The following DAB1 variants were observed in gnomAD, a reference collection of about 807,000 sequenced individuals.
DAB1 encodes disabled homolog 1.
In DAB1, 15 loss-of-function variants were observed where a neutral mutation model predicts 64.6. That is an observed-to-expected ratio of 0.23 (90% CI 0.16 to 0.36). DAB1 has a LOEUF of 0.36. Ranked by LOEUF, DAB1 falls within the 10% of genes least tolerant of loss-of-function variation. The pLI, the probability that DAB1 is intolerant of heterozygous loss-of-function variation, is 1.00. For missense variants in DAB1, 596 were observed against 706.7 expected, an observed-to-expected ratio of 0.84 and a Z score of 1.78; for synonymous variants, 235 against 251.9, an observed-to-expected ratio of 0.93 and a Z score of 0.64.
At chr1:58,285,421 G>T (rs986383752) in intron 4 of DAB1, among the ~76,000 whole-genome samples, 1 of 152,000 alleles carries the variant, frequency 6.6e-6, no homozygotes, top group African/African-American at 2.4e-5. Flanking sequence ...CTTATATCTA[G>T]GAAAAAACCC....
At chr1:57,428,876 CTGTT>C (rs534371208), upstream of DAB1, among the ~76,000 whole-genome samples, 193 of 142,518 alleles carry the variant, frequency 1.4e-3, no homozygotes, top group African/African-American at 4.7e-3. Flanking sequence ...ACCAAAAAAA[CTGTT>C]TGTTTGTTTT....
At chr1:57,996,431 T>C (rs1456209031) in intron 5 of DAB1, among the ~76,000 whole-genome samples, 1 of 152,266 alleles carries the variant, frequency 6.6e-6, no homozygotes, top group East Asian at 1.9e-4. Flanking sequence ...GCAAAAGAGA[T>C]CATAAATCCT....
intron 5 of DAB1, among the ~76,000 whole-genome samples, chr1:58,018,204 C>CCCTG (rs1322748381): frequency 6.6e-6 from 1 of 152,072 alleles, no homozygotes; most frequent in African/African-American, 2.4e-5. Context: ...CCTGTCTGTA[C>CCCTG]CCTGCCCTTA....
At position 57,081,362 on chromosome 1, in the gene DAB1, C is replaced by T. The variant is rs77786609; in HGVS notation, c.307-8948G>A. On this transcript the variant is annotated intron_variant, in intron 4 of 14. Transcript: ENST00000371236. ...ACATAATTTAGTGTTCAAGCACCAA[C>T]AGTAGTTTCCTCAGATGAGGACTTC... Among the ~76,000 whole-genome samples, 7 of 152,292 alleles carry T rather than the reference C, an allele frequency of 4.6e-5. No individual in the cohort carries two copies. The East Asian group carries it at 7.7e-4, about 17-fold the overall frequency.
At chr1:57,280,141 G>A (rs915971007) in intron 2 of DAB1, among the ~76,000 whole-genome samples, 14 of 152,290 alleles carry the variant, frequency 9.2e-5, no homozygotes, top group Non-Finnish European at 1.9e-4. Context: ...ACCTCTCTGA[G>A]CCTCAGTTGC....
At chr1:58,206,829 A>T (rs184840459) in intron 4 of DAB1, among the ~76,000 whole-genome samples, 1 of 152,328 alleles carries the variant, frequency 6.6e-6, no homozygotes, top group African/African-American at 2.4e-5. Context: ...GCTCTTTGCT[A>T]TGTGATTTTG....
intron 7 of DAB1, among the ~76,000 whole-genome samples, chr1:57,595,175 CATTA>C (rs762636162): frequency 1.4e-4 from 22 of 151,762 alleles, no homozygotes; most frequent in African/African-American, 2.2e-4. Context: ...TACCCACTTC[CATTA>C]ATTATTTTAG....
At chr1:57,840,305 G>A (rs957008808) in intron 1 of DAB1, among the ~76,000 whole-genome samples, 3 of 152,152 alleles carry the variant, frequency 2.0e-5, no homozygotes, top group Non-Finnish European at 2.9e-5. Flanking sequence ...AAAGCTAAAA[G>A]GATATAGAAA....
At chr1:57,628,841 C>T (rs778754978) in intron 7 of DAB1, among the ~76,000 whole-genome samples, 18 of 152,146 alleles carry the variant, frequency 1.2e-4, no homozygotes, top group Non-Finnish European at 2.4e-4. Flanking sequence ...AGTTTTTACT[C>T]TTTCTTCAAT....
At chr1:57,565,139 AT>A (rs982617931) in intron 7 of DAB1, among the ~76,000 whole-genome samples, 55 of 152,302 alleles carry the variant, frequency 3.6e-4, no homozygotes, top group African/African-American at 1.3e-3. Flanking sequence ...AAAGAAAATA[AT>A]TTTCAACCCA....
At chr1:57,703,418 A>T (rs1646930741) in intron 6 of DAB1, among the ~76,000 whole-genome samples, 1 of 152,240 alleles carries the variant, frequency 6.6e-6, no homozygotes. Context: ...CATGCATCCA[A>T]CAATCATGTG....
chr1:58,005,536 C>T (rs1289289296), intron 5 of DAB1, among the ~76,000 whole-genome samples: 3 of 149,986 alleles, frequency 2.0e-5, no homozygotes, highest in South Asian at 2.2e-4. Flanking sequence ...GCTATATCCT[C>T]GTGGGGATCC....
At chr1:57,945,290 C>T (rs1436008266) in intron 5 of DAB1, among the ~76,000 whole-genome samples, 1 of 152,040 alleles carries the variant, frequency 6.6e-6, no homozygotes, top group Non-Finnish European at 1.5e-5. Context: ...GTCAAGGTCT[C>T]ACTCTGTTGC....
At chr1:58,126,455 C>T (rs1181284771) in intron 5 of DAB1, among the ~76,000 whole-genome samples, 5 of 146,840 alleles carry the variant, frequency 3.4e-5, no homozygotes, top group African/African-American at 9.9e-5. Context: ...TTCTTTTTTT[C>T]TTTTTTTTTT....
intron 4 of DAB1, among the ~76,000 whole-genome samples, chr1:58,258,665 G>A (rs1017688104): frequency 4.6e-5 from 7 of 152,162 alleles, no homozygotes; most frequent in Non-Finnish European, 1.0e-4. Context: ...GGAGAAAGAC[G>A]AAGGTTTGGC....
In DAB1 at chr1:57,071,078, A is replaced by G. The variant is rs201824114; in HGVS notation, c.559-17T>C. Reference sequence around the variant, plus strand: ...CAATATTGTCTATTGCAGAGTAAGGAGAGGGAGGGTGAAAAGCAGAGGACA... The same window carrying G: ...CAATATTGTCTATTGCAGAGTAAGGGGAGGGAGGGTGAAAAGCAGAGGACA... On this transcript the variant is annotated splice_polypyrimidine_tract_variant and intron_variant, in intron 6 of 14. Coordinates refer to ENST00000371236, the MANE Select transcript of DAB1 (RefSeq NM_001365792.1). 2.4e-5 allele frequency: 38 copies of G among 1,609,874 alleles called. No individual in the cohort carries two copies. Among genetic ancestry groups the G allele is most frequent in the Admixed American group, 1.2e-4 (7 of 59,976 alleles).
At position 57,546,441 on chromosome 1, in the gene DAB1, C is replaced by T. The variant is rs144583522; in HGVS notation, n.625+103151G>A. On this transcript the variant is annotated intron_variant and non_coding_transcript_variant, in intron 7 of 20. Coordinates refer to the DAB1 transcript ENST00000485760. ...TGGTTAAGACCACAGGCTCTGAAGC[C>T]TGACCATTTGAATCCCAGCTCAACC... Among the ~76,000 whole-genome samples the T allele has an allele frequency of 3.6e-3, 551 of 152,272 alleles. 6 individuals carry two copies. Among genetic ancestry groups the T allele is most frequent in the African/African-American group, 0.013 (530 of 41,554 alleles).
At chr1:58,289,706 G>C (rs1293830473) in intron 4 of DAB1, among the ~76,000 whole-genome samples, 1 of 152,184 alleles carries the variant, frequency 6.6e-6, no homozygotes, top group South Asian at 2.1e-4. Context: ...ATTCTTACAT[G>C]CTGGAATCAT....
chr1:57,928,657 C>T, intron 5 of DAB1, among the ~76,000 whole-genome samples: 1 of 152,146 alleles, frequency 6.6e-6, no homozygotes, highest in Non-Finnish European at 1.5e-5. Context: ...TTTACTGTCT[C>T]CAAAGTTTTG....
Sources: allele counts gnomAD v4.1 joint callset (sites outside exome capture counted in the v4.1 genomes callset), GRCh38; gene constraint gnomAD v4.1.1; transcripts MANE v1.5; gene names NCBI Gene and HGNC (gene_info 2026-07-23, HGNC 2026-07-21).